Variants in PIWIL4 observed in about 807,000 individuals in gnomAD.
The protein encoded by PIWIL4 is piwi-like protein 4.
A neutral mutation model predicts 100.9 loss-of-function variants in PIWIL4; 50 were observed. That is an observed-to-expected ratio of 0.50 (90% CI 0.39 to 0.63). The LOEUF (loss-of-function observed/expected upper bound fraction) is 0.63. PIWIL4 is among the 20% of genes least tolerant of loss of function. PIWIL4 has a pLI of 0.00. For missense variants in PIWIL4, 887 were observed against 1,043.3 expected (o/e 0.85, Z 2.06); for synonymous variants, 342 against 367.5 (o/e 0.93, Z 0.79).
chr11:94,587,956 A>C (rs752693171), intron 7 of PIWIL4, among the ~76,000 whole-genome samples: 6 of 152,130 alleles, frequency 3.9e-5, no homozygotes, highest in African/African-American at 9.7e-5. Flanking sequence ...ACTTTTTAAA[A>C]ATTTTTTATT....
intron 11 of PIWIL4, among the ~76,000 whole-genome samples, chr11:94,599,137 G>A (rs1279543149): frequency 6.6e-6 from 1 of 152,202 alleles, no homozygotes; most frequent in Admixed American, 6.5e-5. Context: ...ACTCCCATTA[G>A]GATCTTGGCG....
At chr11:94,615,594 TTC>T (rs1435604572) in intron 15 of PIWIL4, among the ~76,000 whole-genome samples, 3 of 152,200 alleles carry the variant, frequency 2.0e-5, no homozygotes, top group South Asian at 2.1e-4. Context: ...CCTAATTGTG[TTC>T]TGTTTTTTTT....
At chr11:94,578,022 G>A (rs539952408) in intron 4 of PIWIL4, among the ~76,000 whole-genome samples, 1 of 152,198 alleles carries the variant, frequency 6.6e-6, no homozygotes, top group South Asian at 2.1e-4. Flanking sequence ...CATAATAAGC[G>A]GATGTTACCA....
intron 4 of PIWIL4, among the ~76,000 whole-genome samples, chr11:94,579,555 A>G (rs1272148977): frequency 6.6e-6 from 1 of 152,198 alleles, no homozygotes; most frequent in Non-Finnish European, 1.5e-5. Flanking sequence ...TTAGATTTAA[A>G]TTTTTAGACT....
intron 2 of PIWIL4, among the ~76,000 whole-genome samples, chr11:94,572,421 G>A (rs10831242): frequency 0.23 from 34,786 of 152,122 alleles, 4,344 homozygotes; most frequent in East Asian, 0.29. Flanking sequence ...TATGGTTTTA[G>A]GTCTAAGATT....
Position 94,620,031 on chromosome 11 carries a change from C to T in PIWIL4, c.2329C>T (p.Arg777Trp), listed in dbSNP as rs200987345. 85 of 1,614,078 alleles carry T rather than the reference C, an allele frequency of 5.3e-5. No individual in the cohort carries two copies. Among genetic ancestry groups the T allele is most frequent in the Non-Finnish European group, 6.9e-5 (81 of 1,180,010 alleles). Residue 777 changes from arginine to tryptophan, a missense_variant, in exon 19 of 20, where the codon CGG (arginine) becomes TGG (tryptophan). Arg to Trp is a moderately radical substitution (Grantham distance 101). Transcript: ENST00000299001. ...DFYLISQVAC[R>W]GTVSPTYYNV... ...TTATCTGATCAGCCAGGTGGCCTGC[C>T]GGGGAACTGTTAGTCCTACCTACTA...
At chr11:94,588,995 G>A (rs1395916162) in intron 7 of PIWIL4, 126 bp from the exon 8 acceptor site, 1 of 640,614 alleles carries the variant, frequency 1.6e-6, no homozygotes, top group Non-Finnish European at 2.6e-6. Context: ...GAATATTCTT[G>A]TTTTATTGTT....
At chr11:94,584,164 A>G (rs923912768) in intron 5 of PIWIL4, among the ~76,000 whole-genome samples, 17 of 152,178 alleles carry the variant, frequency 1.1e-4, no homozygotes, top group African/African-American at 4.1e-4. Context: ...TAGTTAGTAA[A>G]CAGAAGTTCA....
chr11:94,619,945 G>A, intron 18 of PIWIL4, 52 bp from the exon 19 acceptor site: 1 of 1,614,024 alleles, frequency 6.2e-7, no homozygotes, highest in Non-Finnish European at 8.5e-7. Flanking sequence ...GTTTATGTTT[G>A]ACCTTATTCT....
intron 2 of PIWIL4, among the ~76,000 whole-genome samples, chr11:94,569,891 C>T (rs1303061411): frequency 6.6e-6 from 1 of 152,078 alleles, no homozygotes; most frequent in African/African-American, 2.4e-5. Flanking sequence ...ACACTAAAAG[C>T]CCAGACTTCA....
intron 1 of PIWIL4, 41 bp from the exon 2 acceptor site, chr11:94,568,689 A>T: frequency 6.9e-7 from 1 of 1,458,276 alleles, no homozygotes; most frequent in Non-Finnish European, 9.6e-7. Flanking sequence ...TTTGTGACTT[A>T]CCATTGTAAA....
At chr11:94,569,956 C>A (rs1044036887) in intron 2 of PIWIL4, among the ~76,000 whole-genome samples, 3 of 151,978 alleles carry the variant, frequency 2.0e-5, no homozygotes, top group Admixed American at 6.6e-5. Context: ...TAAATGTATA[C>A]GCATTTTTAA....
At position 94,577,292 on chromosome 11, in the gene PIWIL4, C is replaced by T. The variant is rs1199189809; in HGVS notation, c.313C>T (p.Pro105Ser). Residue 105 changes from proline to serine, a missense_variant, in exon 4 of 20, where the codon CCT (proline) becomes TCT (serine). Around this residue, in one of 2 missense-constraint regions of PIWIL4, gnomAD observed 741 missense variants for 930.0 expected, o/e 0.80. Coordinates refer to ENST00000299001, the MANE Select transcript of PIWIL4 (RefSeq NM_152431.3). ...RNCKTGSSGI[P>S]VKLVTNLFNL... ...GTCTTCTTCAGGTTCCAGTGGAATA[C>T]CTGTGAAACTGGTTACAAACCTCTT... The T allele has an allele frequency of 1.9e-6, 3 of 1,613,228 alleles. No individual in the cohort carries two copies. The highest frequency in any genetic ancestry group is 2.7e-5 in the African/African-American group (2 of 74,886).
intron 16 of PIWIL4, 34 bp downstream of exon 16, chr11:94,616,597 A>AG (rs1271548757): frequency 1.3e-6 from 2 of 1,533,786 alleles, no homozygotes; most frequent in Non-Finnish European, 1.8e-6. Flanking sequence ...GTGGGCTCCA[A>AG]GGACTGTTCC....
chr11:94,604,757 C>G (rs1591798603), intron 13 of PIWIL4, among the ~76,000 whole-genome samples: 1 of 152,182 alleles, frequency 6.6e-6, no homozygotes, highest in Admixed American at 6.5e-5. Context: ...TTCCATCTAC[C>G]CTTCTTACCT....
intron 11 of PIWIL4, among the ~76,000 whole-genome samples, chr11:94,599,740 A>G (rs1002931140): frequency 1.3e-4 from 20 of 152,236 alleles, no homozygotes; most frequent in Non-Finnish European, 2.9e-4. Flanking sequence ...CCTGGCTGCC[A>G]TGTCAGGAGA....
chr11:94,572,362 C>T (rs563103203), intron 2 of PIWIL4, among the ~76,000 whole-genome samples: 1 of 152,238 alleles, frequency 6.6e-6, no homozygotes, highest in African/African-American at 2.4e-5. Flanking sequence ...AAGTCCTTGC[C>T]CATGCCTATG....
intron 19 of PIWIL4, 98 bp from the exon 20 acceptor site, chr11:94,620,778 T>C: frequency 1.2e-6 from 1 of 844,892 alleles, no homozygotes; most frequent in Admixed American, 2.3e-5. Context: ...AAGCCCATTC[T>C]ATTATCTGTG....
At chr11:94,618,513 A>C (rs1041157090) in intron 17 of PIWIL4, among the ~76,000 whole-genome samples, 6 of 152,242 alleles carry the variant, frequency 3.9e-5, no homozygotes, top group African/African-American at 1.4e-4. Context: ...AGTTGCAGGC[A>C]CTGATGTGCA....
Sources: gnomAD v4.1 joint callset for allele counts (sites outside exome capture counted in the v4.1 genomes callset) on GRCh38, gnomAD v4.1.1 for gene constraint, gnomAD v4.1.1 regional missense constraint, MANE v1.5 for transcripts, NCBI Gene and HGNC (gene_info 2026-07-23, HGNC 2026-07-21) for gene names.